The following DLG2 variants were observed in gnomAD, a reference collection of about 807,000 sequenced individuals.
The protein encoded by DLG2 is discs large MAGUK scaffold protein 2.
DLG2 carries 45 observed loss-of-function variants against 132.5 expected under a neutral mutation model. The ratio of observed to expected loss-of-function variants is 0.34; its 90% CI spans 0.27 to 0.44. DLG2 has a LOEUF of 0.44. Ranked by LOEUF, DLG2 falls within the 20% of genes least tolerant of loss-of-function variation. DLG2 has a pLI of 1.00. For synonymous variants in DLG2, 424 were observed against 419.6 expected, an observed-to-expected ratio of 1.01 and a Z score of -0.13; for missense variants, 1,045 against 1,196.9, an observed-to-expected ratio of 0.87 and a Z score of 1.87.
chr11:84,723,779 A>T (rs1346857302), intron 6 of DLG2, among the ~76,000 whole-genome samples: 1 of 152,156 alleles, frequency 6.6e-6, no homozygotes, highest in African/African-American at 2.4e-5. Flanking sequence ...ACTACTCTTA[A>T]TTAGACCTTT....
At chr11:84,632,259 CTTT>C (rs564941255) in intron 6 of DLG2, among the ~76,000 whole-genome samples, 1 of 146,988 alleles carries the variant, frequency 6.8e-6, no homozygotes, top group Admixed American at 6.8e-5. Context: ...TTCAGTCTTG[CTTT>C]TTTTTTTTCC....
At chr11:84,415,468 C>T (rs899359341) in intron 7 of DLG2, among the ~76,000 whole-genome samples, 1 of 152,022 alleles carries the variant, frequency 6.6e-6, no homozygotes, top group Non-Finnish European at 1.5e-5. Context: ...TCATTTTTCC[C>T]CAATTTTATA....
At chr11:85,304,769 G>A (rs1031570335) in intron 3 of DLG2, among the ~76,000 whole-genome samples, 4 of 152,120 alleles carry the variant, frequency 2.6e-5, no homozygotes, top group African/African-American at 9.7e-5. Context: ...AGCTGTCAGG[G>A]GATCTGACAA....
intron 12 of DLG2, among the ~76,000 whole-genome samples, chr11:83,977,507 G>T (rs1263196936): frequency 1.3e-5 from 2 of 152,058 alleles, no homozygotes; most frequent in Non-Finnish European, 2.9e-5. Flanking sequence ...CACCAAGGAA[G>T]AATTTAAATT....
chr11:85,084,279 C>T (rs541251616), intron 6 of DLG2, among the ~76,000 whole-genome samples: 3 of 152,116 alleles, frequency 2.0e-5, no homozygotes, highest in South Asian at 2.1e-4. Context: ...ACCTAGCACA[C>T]GAGGTATGGG....
intron 6 of DLG2, among the ~76,000 whole-genome samples, chr11:84,606,152 A>G (rs955076791): frequency 6.6e-6 from 1 of 152,122 alleles, no homozygotes; most frequent in African/African-American, 2.4e-5. Flanking sequence ...AATTAATTCT[A>G]TGTATTCCAC....
chr11:85,596,005 T>C (rs2079729516), intron 3 of DLG2, among the ~76,000 whole-genome samples: 1 of 152,086 alleles, frequency 6.6e-6, no homozygotes, highest in Admixed American at 6.6e-5. Context: ...ATAATCCAAA[T>C]ACTTTGGGAG....
intron 16 of DLG2, among the ~76,000 whole-genome samples, chr11:83,839,972 T>C (rs1441193687): frequency 6.6e-6 from 1 of 152,026 alleles, no homozygotes; most frequent in Admixed American, 6.6e-5. Flanking sequence ...CCAAATACAT[T>C]CTCCTCCCTA....
intron 7 of DLG2, among the ~76,000 whole-genome samples, chr11:84,471,670 C>G (rs1355252935): frequency 6.6e-6 from 1 of 151,710 alleles, no homozygotes; most frequent in African/African-American, 2.4e-5. Context: ...TAGGTTGTCA[C>G]AGTAAGGAAT....
At chr11:85,401,011 A>T (rs1180733802) in intron 3 of DLG2, among the ~76,000 whole-genome samples, 2 of 151,748 alleles carry the variant, frequency 1.3e-5, no homozygotes, top group East Asian at 3.9e-4. Flanking sequence ...CTGATACCAA[A>T]GCCTGGCAGA....
At chr11:84,562,746 T>G (rs1305714037) in intron 6 of DLG2, among the ~76,000 whole-genome samples, 1 of 151,670 alleles carries the variant, frequency 6.6e-6, no homozygotes, top group Admixed American at 6.6e-5. Flanking sequence ...TCTTTCTTTC[T>G]TTCTTTTTTT....
chr11:84,471,863 A>T (rs1314750110), intron 7 of DLG2, among the ~76,000 whole-genome samples: 1 of 151,944 alleles, frequency 6.6e-6, no homozygotes, highest in South Asian at 2.1e-4. Context: ...GTTAAGATAA[A>T]ACTCACTGTT....
chr11:85,377,592 G>C (rs2085503695), intron 3 of DLG2, among the ~76,000 whole-genome samples: 3 of 151,886 alleles, frequency 2.0e-5, no homozygotes, highest in South Asian at 2.1e-4. Context: ...GGATATAGCG[G>C]TTAAAAAAGA....
intron 11 of DLG2, among the ~76,000 whole-genome samples, chr11:84,011,262 A>C (rs922453028): frequency 6.6e-6 from 1 of 151,968 alleles, no homozygotes; most frequent in Non-Finnish European, 1.5e-5. Flanking sequence ...CTTGAGCCCA[A>C]GAGTTTAGAC....
intron 4 of DLG2, among the ~76,000 whole-genome samples, chr11:85,271,757 G>C (rs558352434): frequency 6.6e-6 from 1 of 152,288 alleles, no homozygotes; most frequent in Admixed American, 6.5e-5. Context: ...CCCTTTCTTT[G>C]GGCCAATTTC....
At chr11:84,872,909 G>A (rs2085703534) in intron 6 of DLG2, among the ~76,000 whole-genome samples, 1 of 152,184 alleles carries the variant, frequency 6.6e-6, no homozygotes, top group African/African-American at 2.4e-5. Context: ...GACCTTAAGT[G>A]AGGCACCAAA....
intron 18 of DLG2, chr11:83,693,050 C>T (rs569673286): frequency 2.0e-5 from 3 of 152,236 alleles, no homozygotes; most frequent in African/African-American, 4.8e-5. Context: ...CCAAGAAGAC[C>T]GGCTTTAGAC....
At chr11:83,996,666 C>A (rs528315891) in intron 11 of DLG2, among the ~76,000 whole-genome samples, 1 of 152,186 alleles carries the variant, frequency 6.6e-6, no homozygotes, top group African/African-American at 2.4e-5. Context: ...TCATTTGCAA[C>A]AATATGGGTG....
intron 6 of DLG2, among the ~76,000 whole-genome samples, chr11:84,565,418 C>T (rs924716523): frequency 6.6e-6 from 1 of 152,054 alleles, no homozygotes; most frequent in Non-Finnish European, 1.5e-5. Context: ...CAACAATTTC[C>T]ACCTCATGGA....
Sources: allele counts gnomAD v4.1 joint callset (sites outside exome capture counted in the v4.1 genomes callset), GRCh38; gene constraint gnomAD v4.1.1; transcripts MANE v1.5; gene names NCBI Gene and HGNC (gene_info 2026-07-23, HGNC 2026-07-21).